The following PKN2 variants were observed in gnomAD, a reference collection of about 807,000 sequenced individuals.
PKN2 encodes serine/threonine-protein kinase N2.
PKN2 carries 38 observed loss-of-function variants against 119.1 expected under a neutral mutation model. That is an observed-to-expected ratio of 0.32 (90% CI 0.25 to 0.42). The LOEUF is 0.42. PKN2 is among the 10% of genes least tolerant of loss of function. The pLI, the probability that PKN2 is intolerant of heterozygous loss-of-function variation, is 1.00. For missense variants in PKN2, 850 were observed against 1,165.1 expected (o/e 0.73, Z 3.94); for synonymous variants, 390 against 384.9 (o/e 1.01, Z -0.15).
intron 8 of PKN2, among the ~76,000 whole-genome samples, chr1:88,802,581 G>A (rs1049111932): frequency 5.3e-5 from 8 of 152,026 alleles, no homozygotes; most frequent in Non-Finnish European, 8.8e-5. Context: ...CCACGTCAAC[G>A]TCCCAAAGTG....
At chr1:88,742,695 A>G (rs895260315) in intron 2 of PKN2, among the ~76,000 whole-genome samples, 1 of 151,194 alleles carries the variant, frequency 6.6e-6, no homozygotes, top group African/African-American at 2.5e-5. Flanking sequence ...GTTCCATGGA[A>G]CTCTGCCAAA....
At chr1:88,817,729 A>G (rs1020682424) in intron 16 of PKN2, among the ~76,000 whole-genome samples, 3 of 151,710 alleles carry the variant, frequency 2.0e-5, no homozygotes, top group Non-Finnish European at 4.4e-5. Flanking sequence ...AAAAGAAAAG[A>G]AAAGGCCTTC....
intron 16 of PKN2, chr1:88,815,553 G>A: frequency 5.5e-6 from 1 of 181,286 alleles, no homozygotes; most frequent in South Asian, 9.8e-5. Context: ...GTTTATTAGT[G>A]AAACACCTAA....
At chr1:88,756,513 C>T (rs77582594) in intron 2 of PKN2, among the ~76,000 whole-genome samples, 8,548 of 152,192 alleles carry the variant, frequency 0.056, 321 homozygotes, top group South Asian at 0.11. Flanking sequence ...AGGCTAAATA[C>T]ACCATCAACT....
At chr1:88,816,301 C>T (rs1438796412) in intron 16 of PKN2, among the ~76,000 whole-genome samples, 1 of 152,096 alleles carries the variant, frequency 6.6e-6, no homozygotes, top group South Asian at 2.1e-4. Flanking sequence ...GGCTGGAGTG[C>T]AGTGGCACCG....
intron 19 of PKN2, among the ~76,000 whole-genome samples, chr1:88,832,144 T>G (rs1437879201): frequency 6.6e-6 from 1 of 152,020 alleles, no homozygotes; most frequent in Non-Finnish European, 1.5e-5. Flanking sequence ...TGCTTCTTAA[T>G]ACAGTCATTA....
At chr1:88,688,570 A>G (rs1570475481) in intron 1 of PKN2, among the ~76,000 whole-genome samples, 2 of 152,216 alleles carry the variant, frequency 1.3e-5, no homozygotes, top group Non-Finnish European at 2.9e-5. Flanking sequence ...TTGGTAGTCT[A>G]TAATTTAGCA....
At chr1:88,705,668 AG>A in intron 1 of PKN2, among the ~76,000 whole-genome samples, 1 of 152,302 alleles carries the variant, frequency 6.6e-6, no homozygotes, top group East Asian at 1.9e-4. Flanking sequence ...CCTGCACTCC[AG>A]CCTGGGTGAC....
At chr1:88,811,894 A>T (rs140832285) in intron 15 of PKN2, among the ~76,000 whole-genome samples, 1 of 152,280 alleles carries the variant, frequency 6.6e-6, no homozygotes, top group East Asian at 1.9e-4. Flanking sequence ...TGTCATCATG[A>T]TCAGAAGTAT....
chr1:88,689,228 A>AT (rs1666236265), intron 1 of PKN2, among the ~76,000 whole-genome samples: 1 of 152,234 alleles, frequency 6.6e-6, no homozygotes, highest in Admixed American at 6.5e-5. Flanking sequence ...AATGTGGAAA[A>AT]GCACAAAAGA....
In PKN2 at chr1:88,804,877, G is replaced by C; in HGVS notation, c.1457G>C (p.Arg486Thr). 6.3e-7 allele frequency: 1 copy of C among 1,577,872 alleles called. No individual in the cohort carries two copies. The highest frequency in any genetic ancestry group is 8.7e-7 in the Non-Finnish European group (1 of 1,154,912). Residue 486 changes from arginine (R) to threonine (T), a missense_variant, in exon 10 of 22, where the codon AGA (arginine) becomes ACA (threonine). Arg to Thr is a moderately conservative substitution (Grantham distance 71, BLOSUM62 -1). This residue lies in a region of PKN2 where 350 missense variants were observed against 511.1 expected (regional missense o/e 0.68). Coordinates refer to ENST00000370521, the MANE Select transcript of PKN2 (RefSeq NM_006256.4). ...TTTTTTAATCCAGTTATTGAAAGAAGACCAAAACTTCAAAGACAAAAGAAA... is the reference window on the plus strand; with the variant it reads ...TTTTTTAATCCAGTTATTGAAAGAACACCAAAACTTCAAAGACAAAAGAAA... The part of the protein sequence containing the change: ...VTFFNPVIER[R>T]PKLQRQKKIF...
intron 1 of PKN2, among the ~76,000 whole-genome samples, chr1:88,705,147 A>G (rs1666927298): frequency 6.6e-6 from 1 of 151,242 alleles, no homozygotes; most frequent in Non-Finnish European, 1.5e-5. Flanking sequence ...TTTTTTTTAA[A>G]CAGTATCTTT....
intron 15 of PKN2, among the ~76,000 whole-genome samples, chr1:88,809,629 A>G (rs2100886092): frequency 6.6e-6 from 1 of 152,286 alleles, no homozygotes; most frequent in African/African-American, 2.4e-5. Context: ...AAATTAATCC[A>G]GTCTTGTGTA....
At chr1:88,718,499 A>G (rs1667545498) in intron 1 of PKN2, among the ~76,000 whole-genome samples, 1 of 152,198 alleles carries the variant, frequency 6.6e-6, no homozygotes, top group African/African-American at 2.4e-5. Flanking sequence ...CCAACTTTAC[A>G]ATGAGAAAAA....
chr1:88,818,555 G>A (rs1672110142), intron 16 of PKN2, among the ~76,000 whole-genome samples: 2 of 151,786 alleles, frequency 1.3e-5, no homozygotes, highest in South Asian at 4.1e-4. Context: ...GACTGAGTCA[G>A]GAGAATTGCT....
chr1:88,741,443 T>C (rs1199587178), intron 2 of PKN2, among the ~76,000 whole-genome samples, 155 bp downstream of exon 2: 1 of 152,090 alleles, frequency 6.6e-6, no homozygotes. Flanking sequence ...TTATATTCTG[T>C]TTAGAAGGGC....
intron 1 of PKN2, among the ~76,000 whole-genome samples, chr1:88,723,167 G>T (rs76898653): frequency 6.6e-6 from 1 of 150,874 alleles, no homozygotes; most frequent in Non-Finnish European, 1.5e-5. Flanking sequence ...AGGCTGGAGT[G>T]CAGTGGCTCA....
At chr1:88,699,356 G>GT (rs371052000) in intron 1 of PKN2, among the ~76,000 whole-genome samples, 35 of 151,506 alleles carry the variant, frequency 2.3e-4, no homozygotes, top group South Asian at 1.5e-3. Context: ...TAAGTATCTT[G>GT]TTTTTTTTGC....
At chr1:88,705,858 A>AT (rs1480515996) in intron 1 of PKN2, among the ~76,000 whole-genome samples, 1 of 151,256 alleles carries the variant, frequency 6.6e-6, no homozygotes, top group Non-Finnish European at 1.5e-5. Context: ...GTATTTATTA[A>AT]TTTTTTGCCA....
Sources: gnomAD v4.1 joint callset for allele counts (sites outside exome capture counted in the v4.1 genomes callset) on GRCh38, gnomAD v4.1.1 for gene constraint, gnomAD v4.1.1 regional missense constraint, MANE v1.5 for transcripts, NCBI Gene and HGNC (gene_info 2026-07-23, HGNC 2026-07-21) for gene names.